The following MYRIP variants were observed in gnomAD, a reference collection of about 807,000 sequenced individuals.
MYRIP encodes the protein myosin VIIA and Rab interacting protein, also known as rab effector MyRIP.
Under a neutral mutation model 98.0 loss-of-function variants are expected in MYRIP, and 49 were observed. The ratio of observed to expected loss-of-function variants is 0.50; its 90% CI spans 0.40 to 0.63. MYRIP has a LOEUF of 0.63. Among genes scored for constraint, MYRIP ranks in the 30% least tolerant of loss-of-function variants. The pLI is 0.00. For missense variants in MYRIP, 1,004 were observed against 1,058.2 expected (o/e 0.95, Z 0.71); for synonymous variants, 404 against 409.5 (o/e 0.99, Z 0.16).
chr3:40,046,575 A>C (rs1947672662), intron 3 of MYRIP, among the ~76,000 whole-genome samples: 1 of 146,962 alleles, frequency 6.8e-6, no homozygotes, highest in African/African-American at 2.5e-5. Flanking sequence ...CCTAGATGGA[A>C]CTCAGTTGGA....
chr3:40,205,815 G>A (rs1342278062), intron 10 of MYRIP, among the ~76,000 whole-genome samples: 2 of 150,518 alleles, frequency 1.3e-5, no homozygotes, highest in African/African-American at 4.9e-5. Flanking sequence ...TTTTTTTTTG[G>A]CTGAAGACTC....
At chr3:40,107,598 A>C (rs1322040331) in intron 3 of MYRIP, among the ~76,000 whole-genome samples, 1 of 152,192 alleles carries the variant, frequency 6.6e-6, no homozygotes, top group East Asian at 1.9e-4. Context: ...CAGAGGAAAT[A>C]GCAGGTATAA....
At chr3:39,956,285 A>T (rs545330770) in intron 2 of MYRIP, among the ~76,000 whole-genome samples, 47 of 152,206 alleles carry the variant, frequency 3.1e-4, no homozygotes, top group African/African-American at 9.9e-4. Context: ...GAAGTAAAGC[A>T]CTCCTCAGCA....
chr3:40,196,400 T>C (rs1310004125), intron 10 of MYRIP, among the ~76,000 whole-genome samples: 3 of 152,212 alleles, frequency 2.0e-5, no homozygotes. Flanking sequence ...CCCACTAGCC[T>C]TGATATGCAA....
intron 3 of MYRIP, among the ~76,000 whole-genome samples, chr3:40,086,093 C>T (rs1463055194): frequency 6.6e-6 from 1 of 152,028 alleles, no homozygotes; most frequent in Non-Finnish European, 1.5e-5. Context: ...ATGTTTCACC[C>T]ACAGGAAGGC....
intron 3 of MYRIP, among the ~76,000 whole-genome samples, chr3:40,079,138 A>AG (rs1948419518): frequency 6.6e-6 from 1 of 152,190 alleles, no homozygotes; most frequent in Non-Finnish European, 1.5e-5. Context: ...GTAGAGATGA[A>AG]GGGATTTTAA....
At chr3:40,115,323 G>A (rs1043316916) in intron 3 of MYRIP, among the ~76,000 whole-genome samples, 1 of 152,154 alleles carries the variant, frequency 6.6e-6, no homozygotes, top group Non-Finnish European at 1.5e-5. Context: ...AATTTATAAA[G>A]AAAATAGGTT....
At chr3:39,889,426 A>G (rs1332198397) in intron 1 of MYRIP, among the ~76,000 whole-genome samples, 1 of 152,204 alleles carries the variant, frequency 6.6e-6, no homozygotes, top group African/African-American at 2.4e-5. Flanking sequence ...AACTATGGCA[A>G]GAACAAAAAA....
intron 11 of MYRIP, among the ~76,000 whole-genome samples, chr3:40,217,639 G>A (rs1277136273): frequency 6.6e-6 from 1 of 152,120 alleles, no homozygotes; most frequent in Non-Finnish European, 1.5e-5. Context: ...GCCTTTTGGG[G>A]ATTGCAGACC....
intron 1 of MYRIP, among the ~76,000 whole-genome samples, chr3:39,829,759 A>C (rs1350810371): frequency 6.6e-6 from 1 of 152,110 alleles, no homozygotes; most frequent in Non-Finnish European, 1.5e-5. Flanking sequence ...ACTTATATGC[A>C]CTGAGAAACC....
intron 1 of MYRIP, among the ~76,000 whole-genome samples, chr3:39,890,858 A>C (rs1271960816): frequency 6.6e-6 from 1 of 152,116 alleles, no homozygotes; most frequent in Non-Finnish European, 1.5e-5. Flanking sequence ...CCAGCTGATC[A>C]ATGCTTCCTG....
intron 10 of MYRIP, among the ~76,000 whole-genome samples, chr3:40,203,327 T>A (rs1951623514): frequency 6.6e-6 from 1 of 152,116 alleles, no homozygotes; most frequent in Non-Finnish European, 1.5e-5. Flanking sequence ...AAAATATGCA[T>A]TAAACTTTAA....
intron 3 of MYRIP, among the ~76,000 whole-genome samples, chr3:40,124,095 G>A (rs1428255195): frequency 1.3e-5 from 2 of 152,184 alleles, no homozygotes; most frequent in Non-Finnish European, 2.9e-5. Flanking sequence ...ATATTCTAGT[G>A]AATGAACAAC....
At chr3:39,909,183 A>T (rs1943956522) in intron 2 of MYRIP, among the ~76,000 whole-genome samples, 1 of 152,138 alleles carries the variant, frequency 6.6e-6, no homozygotes, top group South Asian at 2.1e-4. Context: ...CTGGGGAGAG[A>T]GCCTGGAGAC....
intron 3 of MYRIP, among the ~76,000 whole-genome samples, chr3:40,112,815 G>A (rs72856914): frequency 0.024 from 3,588 of 152,312 alleles, 92 homozygotes; most frequent in African/African-American, 0.06. Context: ...TAAGCAGGTG[G>A]CCTCATGATC....
intron 6 of MYRIP, 41 bp downstream of exon 6, chr3:40,166,984 G>C (rs771483510): frequency 1.3e-6 from 2 of 1,521,782 alleles, no homozygotes; most frequent in Non-Finnish European, 1.8e-6. Context: ...GGAGGTGTGG[G>C]TTGGGGTCCT....
intron 2 of MYRIP, among the ~76,000 whole-genome samples, chr3:39,905,962 C>T (rs2125675815): frequency 6.6e-6 from 1 of 152,186 alleles, no homozygotes; most frequent in South Asian, 2.1e-4. Context: ...TCCACAGTAA[C>T]TTGCTTACTA....
chr3:40,160,967 G>A (rs56090783), intron 4 of MYRIP, among the ~76,000 whole-genome samples: 3,930 of 152,244 alleles, frequency 0.026, 63 homozygotes, highest in Non-Finnish European at 0.039. Flanking sequence ...CGTCTTCTGC[G>A]TCGCTCACGC....
At chr3:39,828,197 TCTC>T (rs1285947383) in intron 1 of MYRIP, among the ~76,000 whole-genome samples, 2 of 152,112 alleles carry the variant, frequency 1.3e-5, no homozygotes, top group Admixed American at 1.3e-4. Context: ...CTTCTTCTCT[TCTC>T]CTTCTGGAAT....
Sources: allele counts gnomAD v4.1 joint callset (sites outside exome capture counted in the v4.1 genomes callset), GRCh38; gene constraint gnomAD v4.1.1; transcripts MANE v1.5; gene names NCBI Gene and HGNC (gene_info 2026-07-23, HGNC 2026-07-21).